The following FOXO1 variants were observed in gnomAD, a reference collection of about 807,000 sequenced individuals.
FOXO1 encodes the protein forkhead box protein O1.
Under a neutral mutation model 44.1 loss-of-function variants are expected in FOXO1, and 6 were observed. The observed-to-expected ratio is 0.14, with a 90% CI of 0.07 to 0.27. The LOEUF (loss-of-function observed/expected upper bound fraction) is 0.27. Ranked by LOEUF, FOXO1 falls within the 10% of genes least tolerant of loss-of-function variation. The probability of loss-of-function intolerance (pLI) is 1.00; values close to 1 mark genes in which losing one functional copy is unlikely to be tolerated. For synonymous variants in FOXO1, 380 were observed against 362.7 expected (o/e 1.05, Z -0.54); for missense variants, 737 against 888.8 (o/e 0.83, Z 2.17).
At chr13:40,661,581 G>C (rs560815633) in intron 1 of FOXO1, among the ~76,000 whole-genome samples, 1 of 151,766 alleles carries the variant, frequency 6.6e-6, no homozygotes, top group Non-Finnish European at 1.5e-5. Context: ...ACAGGTGTGC[G>C]CCACCACGCC....
At chr13:40,662,832 A>C (rs1878080040) in intron 1 of FOXO1, among the ~76,000 whole-genome samples, 1 of 152,224 alleles carries the variant, frequency 6.6e-6, no homozygotes, top group Non-Finnish European at 1.5e-5. Context: ...GTTGCTTTGC[A>C]TTTAAAAACT....
chr13:40,655,888 C>G (rs1379786585), intron 1 of FOXO1, among the ~76,000 whole-genome samples: 1 of 152,122 alleles, frequency 6.6e-6, no homozygotes, highest in Non-Finnish European at 1.5e-5. Flanking sequence ...CTACCCACCT[C>G]AACCTCCCAA....
intron 1 of FOXO1, among the ~76,000 whole-genome samples, chr13:40,614,681 C>T (rs900893977): frequency 5.9e-5 from 9 of 152,136 alleles, no homozygotes; most frequent in East Asian, 3.9e-4. Context: ...AACCCCTCGG[C>T]CTCTGAAACA....
intron 1 of FOXO1, among the ~76,000 whole-genome samples, chr13:40,584,859 C>T (rs2137856248): frequency 6.6e-6 from 1 of 152,306 alleles, no homozygotes; most frequent in Admixed American, 6.5e-5. Flanking sequence ...GTATGAAGCG[C>T]AGCTTGGCAA....
chr13:40,593,468 C>T (rs1875463695), intron 1 of FOXO1, among the ~76,000 whole-genome samples: 1 of 152,186 alleles, frequency 6.6e-6, no homozygotes, highest in East Asian at 1.9e-4. Flanking sequence ...CAGGATGTCA[C>T]TGTCTTCTTC....
intron 1 of FOXO1, among the ~76,000 whole-genome samples, chr13:40,586,415 T>G (rs1398418767): frequency 6.6e-6 from 1 of 152,050 alleles, no homozygotes; most frequent in Non-Finnish European, 1.5e-5. Context: ...GGTGGCACAG[T>G]CCCATCCCCG....
In FOXO1 at chr13:40,666,286, G is replaced by T; in HGVS notation, c.-74C>A. The T allele has an allele frequency of 8.0e-7, 1 of 1,256,146 alleles. No homozygotes were observed. Among genetic ancestry groups the T allele is most frequent in the Non-Finnish European group, 1.0e-6 (1 of 982,180 alleles). 77.8% of individuals were successfully genotyped at this position (1,256,146 alleles called of 1,614,324 possible). A position where few individuals can be genotyped will look rare whatever the true frequency, so the allele number is the denominator to read the frequency against. On this transcript the variant is annotated 5_prime_UTR_variant, in exon 1 of 3. Transcript: ENST00000379561. ...ACGCAGCACTGGGGGCGGACGGGGA[G>T]GGGGCGCGAAGGGACGGTCCGAGAT...
intron 1 of FOXO1, among the ~76,000 whole-genome samples, chr13:40,613,093 T>C (rs549741575): frequency 1.9e-4 from 29 of 152,288 alleles, no homozygotes; most frequent in Non-Finnish European, 3.4e-4. Flanking sequence ...TCTCCAGTAT[T>C]TGAACCTTGA....
chr13:40,627,623 G>A (rs745374405), intron 1 of FOXO1, among the ~76,000 whole-genome samples: 9 of 152,100 alleles, frequency 5.9e-5, no homozygotes, highest in East Asian at 5.8e-4. Context: ...ATCTGAGGTC[G>A]GGAGTTCGAG....
chr13:40,611,577 C>T (rs754893136), intron 1 of FOXO1, among the ~76,000 whole-genome samples: 2 of 152,160 alleles, frequency 1.3e-5, no homozygotes, highest in South Asian at 2.1e-4. Context: ...GAGGGGTTCA[C>T]GTGGACTTAA....
At chr13:40,571,221 A>G (rs59488992) in intron 1 of FOXO1, among the ~76,000 whole-genome samples, 9,661 of 145,166 alleles carry the variant, frequency 0.067, 692 homozygotes, top group East Asian at 0.4. Context: ...GGGGCCTGTC[A>G]TGGGGTGGGG....
At chr13:40,618,135 G>A (rs576079617) in intron 1 of FOXO1, among the ~76,000 whole-genome samples, 118 of 152,264 alleles carry the variant, frequency 7.7e-4, no homozygotes, top group African/African-American at 2.8e-3. Flanking sequence ...CTGGAGTGCA[G>A]TGGCGCAATC....
At chr13:40,626,831 A>G (rs978088863) in intron 1 of FOXO1, among the ~76,000 whole-genome samples, 2 of 152,214 alleles carry the variant, frequency 1.3e-5, no homozygotes, top group South Asian at 4.1e-4. Context: ...ATCTAAAGCT[A>G]TGAACAAGTA....
At chr13:40,655,968 G>A (rs1593417752) in intron 1 of FOXO1, among the ~76,000 whole-genome samples, 1 of 152,082 alleles carries the variant, frequency 6.6e-6, no homozygotes, top group South Asian at 2.1e-4. Context: ...TTTCTAAATG[G>A]CTGATGAGTG....
chr13:40,580,631 G>A (rs892508382), intron 1 of FOXO1, among the ~76,000 whole-genome samples: 1 of 152,106 alleles, frequency 6.6e-6, no homozygotes, highest in Non-Finnish European at 1.5e-5. Context: ...TCAAGCAAAT[G>A]TCTAGCCCCT....
chr13:40,562,179 T>G (rs991254017), intron 1 of FOXO1, among the ~76,000 whole-genome samples: 11 of 152,284 alleles, frequency 7.2e-5, no homozygotes, highest in African/African-American at 2.6e-4. Flanking sequence ...ACCAGTAGTA[T>G]GAGCAGGATG....
intron 1 of FOXO1, among the ~76,000 whole-genome samples, chr13:40,601,306 T>C (rs1285581882): frequency 6.6e-6 from 1 of 152,214 alleles, no homozygotes; most frequent in Non-Finnish European, 1.5e-5. Context: ...CTCAAGTCAC[T>C]TTCCAGTTAT....
At position 40,555,940 on chromosome 13, in the gene FOXO1, G is replaced by T. The variant is rs1377853539; in HGVS notation, c.*3109C>A. 6.6e-6 allele frequency: 1 copy of T among 152,584 alleles called. No individual in the cohort carries two copies. The highest frequency in any genetic ancestry group is 1.5e-5 in the Non-Finnish European group (1 of 68,044). The allele number at this position is 152,584 out of a possible 1,614,324, so 9.5% of individuals were successfully genotyped here. On this transcript the variant is annotated 3_prime_UTR_variant, in exon 3 of 3. Transcript: ENST00000379561. ...AGGAGGCATGACTACGTCCTGATGG[G>T]ACTTACATGGCCACCCCTGGCCACA...
At chr13:40,608,335 G>C (rs1158072984) in intron 1 of FOXO1, among the ~76,000 whole-genome samples, 2 of 152,170 alleles carry the variant, frequency 1.3e-5, no homozygotes, top group Non-Finnish European at 2.9e-5. Flanking sequence ...CATACAGTCA[G>C]GCTTGCCCTC....
Sources: gnomAD v4.1 joint callset for allele counts (sites outside exome capture counted in the v4.1 genomes callset) on GRCh38, gnomAD v4.1.1 for gene constraint, MANE v1.5 for transcripts, NCBI Gene and HGNC (gene_info 2026-07-23, HGNC 2026-07-21) for gene names.